PTPRG: variants seen among roughly 807,000 people sequenced by gnomAD.
The protein encoded by PTPRG is receptor-type tyrosine-protein phosphatase gamma.
A neutral mutation model predicts 165.3 loss-of-function variants in PTPRG; 102 were observed. That is an observed-to-expected ratio of 0.62 (90% CI 0.53 to 0.73). The LOEUF (loss-of-function observed/expected upper bound fraction) is 0.73, where lower values mean the gene tolerates loss of function less well. Among genes scored for constraint, PTPRG ranks in the 30% least tolerant of loss-of-function variants. PTPRG has a pLI of 0.00. For missense variants in PTPRG, 1,866 were observed against 1,861.4 expected, an observed-to-expected ratio of 1.00 and a Z score of -0.05; for synonymous variants, 675 against 669.5, an observed-to-expected ratio of 1.01 and a Z score of -0.13.
Position 62,195,196 on chromosome 3 carries a change from C to G in PTPRG, c.1327+26C>G. ...GTGAGGCTGGCTTCCCCTCCTGTGG[C>G]CGGGGTGCCCCTGAGACTCCCTCCC... is the stretch of plus-strand genomic sequence containing the variant. On this transcript the variant is annotated intron_variant, in intron 10 of 29. Coordinates refer to ENST00000474889, the MANE Select transcript of PTPRG (RefSeq NM_002841.4). The surrounding 1 kb of genome is among the most constrained non-coding windows in gnomAD (Gnocchi z 4.4). 1.3e-6 allele frequency: 2 copies of G among 1,594,934 alleles called. No homozygotes were observed. The highest frequency in any genetic ancestry group is 1.7e-6 in the Non-Finnish European group (2 of 1,162,574).
chr3:62,084,334 A>G (rs944055214), intron 5 of PTPRG, among the ~76,000 whole-genome samples: 1 of 152,124 alleles, frequency 6.6e-6, no homozygotes, highest in African/African-American at 2.4e-5. Flanking sequence ...TTCTCCTTCT[A>G]CTGGGAGAGT....
intron 1 of PTPRG, among the ~76,000 whole-genome samples, chr3:61,731,975 T>A (rs2032519219): frequency 2.0e-5 from 3 of 151,916 alleles, no homozygotes; most frequent in Admixed American, 2.0e-4. Flanking sequence ...CTAATTTTTG[T>A]ATTTTCAATA....
chr3:61,980,181 T>C (rs1336008590), intron 2 of PTPRG, among the ~76,000 whole-genome samples: 1 of 152,200 alleles, frequency 6.6e-6, no homozygotes, highest in East Asian at 1.9e-4. Flanking sequence ...AAACCAGACC[T>C]TAACTGCCAG....
At chr3:61,572,186 G>T (rs769205199) in intron 1 of PTPRG, among the ~76,000 whole-genome samples, 3 of 152,174 alleles carry the variant, frequency 2.0e-5, no homozygotes, top group Non-Finnish European at 4.4e-5. Context: ...TGAGGGAGTA[G>T]CAGACAAGGT....
In PTPRG at chr3:62,243,877, A is replaced by G; in HGVS notation, c.2446A>G (p.Ile816Val). 1.3e-6 allele frequency: 2 copies of G among 1,552,394 alleles called. No homozygotes were observed. Among genetic ancestry groups the G allele is most frequent in the South Asian group, 1.1e-5 (1 of 89,214 alleles). ...ACCTCGAGTGGTCCCTAATGAAAGTATCCCTATTATTCCTATTCCGGGTAA... is the reference window on the plus strand; with the variant it reads ...ACCTCGAGTGGTCCCTAATGAAAGTGTCCCTATTATTCCTATTCCGGGTAA... ...SSPRVVPNES[I>V]PIIPIPDDME... Residue 816 changes from isoleucine to valine, a missense_variant, in exon 15 of 30, where the codon ATC becomes GTC. Ile to Val is a conservative substitution (Grantham distance 29). This residue lies in a region of PTPRG where 1,452 missense variants were observed against 1,463.0 expected (regional missense o/e 0.99). Transcript: ENST00000474889.
At chr3:61,920,112 T>TCCCACATGCCTGCACTCGTC (rs2039041351) in intron 2 of PTPRG, among the ~76,000 whole-genome samples, 1 of 152,152 alleles carries the variant, frequency 6.6e-6, no homozygotes, top group Non-Finnish European at 1.5e-5. Flanking sequence ...CATAGGGAGA[T>TCCCACATGCCTGCACTCGTC]CCCACATGCC....
chr3:62,180,457 C>T (rs923259125), intron 8 of PTPRG, among the ~76,000 whole-genome samples: 1 of 152,148 alleles, frequency 6.6e-6, no homozygotes, highest in African/African-American at 2.4e-5. Context: ...TCAGTTGGAG[C>T]CCTTCACTAG....
intron 2 of PTPRG, among the ~76,000 whole-genome samples, chr3:61,917,679 C>G (rs1195516727): frequency 6.6e-6 from 1 of 152,172 alleles, no homozygotes; most frequent in African/African-American, 2.4e-5. Context: ...CCTGTAATCC[C>G]AGCACTTTGC....
intron 2 of PTPRG, among the ~76,000 whole-genome samples, chr3:61,780,168 C>T (rs1323711825): frequency 1.3e-5 from 2 of 152,102 alleles, no homozygotes; most frequent in Admixed American, 6.5e-5. Flanking sequence ...ACAAAGTCAG[C>T]GTTACTATAT....
intron 1 of PTPRG, among the ~76,000 whole-genome samples, chr3:61,691,468 T>C (rs944576299): frequency 5.9e-5 from 9 of 152,192 alleles, no homozygotes; most frequent in African/African-American, 2.2e-4. Flanking sequence ...TATTTGTGCT[T>C]CATATATATG....
chr3:62,000,840 A>G (rs1417198937), intron 3 of PTPRG, among the ~76,000 whole-genome samples: 4 of 152,298 alleles, frequency 2.6e-5, no homozygotes, highest in Admixed American at 2.0e-4. Flanking sequence ...CCACCACTGA[A>G]TATGTGTTTG....
intron 4 of PTPRG, among the ~76,000 whole-genome samples, chr3:62,074,122 T>C (rs1575969235): frequency 6.6e-6 from 1 of 151,804 alleles, no homozygotes; most frequent in South Asian, 2.1e-4. Flanking sequence ...GAGTATTTAG[T>C]GGTAAAGGGG....
At chr3:62,159,805 CCT>C (rs936650467) in intron 7 of PTPRG, among the ~76,000 whole-genome samples, 6 of 151,952 alleles carry the variant, frequency 3.9e-5, no homozygotes, top group African/African-American at 1.5e-4. Context: ...TTCATGTGTC[CCT>C]CTCTCTCTCC....
At chr3:62,068,934 T>C (rs1387281356) in intron 4 of PTPRG, among the ~76,000 whole-genome samples, 1 of 152,212 alleles carries the variant, frequency 6.6e-6, no homozygotes, top group East Asian at 1.9e-4. Flanking sequence ...TGTTTGAGAA[T>C]GTTTATTTAA....
intron 1 of PTPRG, among the ~76,000 whole-genome samples, chr3:61,659,158 T>C (rs150369536): frequency 1.3e-5 from 2 of 152,310 alleles, no homozygotes; most frequent in Non-Finnish European, 2.9e-5. Flanking sequence ...TTTAAGGGCC[T>C]TTTGCCATGG....
At chr3:61,714,290 G>C (rs563647404) in intron 1 of PTPRG, among the ~76,000 whole-genome samples, 4 of 152,068 alleles carry the variant, frequency 2.6e-5, no homozygotes, top group African/African-American at 9.7e-5. Context: ...TGGGCCCATA[G>C]CTGCGAGGAA....
rs11329820 is a variant in PTPRG, at chr3:61,820,603, G to GTTTT, written c.190+71644_190+71647dup. 5.5e-4 allele frequency among the ~76,000 whole-genome samples: 36 copies of GTTTT among 65,730 alleles called. 1 individual carries two copies. In the South Asian group the frequency reaches 5.7e-3, roughly 10 times the overall value. The allele number at this position is 65,730 out of a possible 152,430, so 43.1% of individuals were successfully genotyped here. On this transcript the variant is annotated intron_variant, in intron 2 of 29. Coordinates refer to ENST00000474889, the MANE Select transcript of PTPRG (RefSeq NM_002841.4). Reference sequence around the variant, plus strand: ...TTTAATTTCTTGTTCCTGTGTCTCTGTTTTTTTTTTTTTTTTTTTTTTTTT... The same window carrying GTTTT: ...TTTAATTTCTTGTTCCTGTGTCTCTGTTTTTTTTTTTTTTTTTTTTTTTTTTTTT...
intron 1 of PTPRG, among the ~76,000 whole-genome samples, chr3:61,608,708 C>A (rs1701082314): frequency 6.6e-6 from 1 of 152,180 alleles, no homozygotes; most frequent in Non-Finnish European, 1.5e-5. Flanking sequence ...TTTAAGGCAG[C>A]ATGAGTCGGC....
chr3:61,738,312 A>ATGTGTATATATATGTG lies in PTPRG; in HGVS notation c.86-10566_86-10565insTGTGTATATATATGTG, dbSNP rs1559583407. On this transcript the variant is annotated intron_variant, in intron 1 of 29. Coordinates refer to ENST00000474889, the MANE Select transcript of PTPRG (RefSeq NM_002841.4). ...TATATATATATATATATATATATAT[A>ATGTGTATATATATGTG]CATATATATATATATATATATATAT... is the stretch of plus-strand genomic sequence containing the variant. 4.4e-4 allele frequency among the ~76,000 whole-genome samples: 26 copies of ATGTGTATATATATGTG among 59,396 alleles called. 1 individual carries two copies. In the East Asian group the frequency reaches 0.055, roughly 125 times the overall value. The allele number at this position is 59,396 out of a possible 152,430, so 39.0% of individuals were successfully genotyped here.
Sources: allele counts gnomAD v4.1 joint callset (sites outside exome capture counted in the v4.1 genomes callset), GRCh38; gene constraint gnomAD v4.1.1; regional missense constraint gnomAD v4.1.1; non-coding constraint Gnocchi (gnomAD v3.1); transcripts MANE v1.5; gene names NCBI Gene and HGNC (gene_info 2026-07-23, HGNC 2026-07-21).